Variants in CREB5 observed in about 807,000 individuals in gnomAD.
CREB5 encodes the protein cyclic AMP-responsive element-binding protein 5.
In CREB5, 19 loss-of-function variants were observed where a neutral mutation model predicts 57.1. The ratio of observed to expected loss-of-function variants is 0.33; its 90% CI spans 0.23 to 0.49. The LOEUF (loss-of-function observed/expected upper bound fraction) is 0.49. CREB5 is among the 20% of genes least tolerant of loss of function. The pLI is 0.99. For synonymous variants in CREB5, 238 were observed against 238.3 expected (o/e 1.00, Z 0.01); for missense variants, 579 against 671.6 (o/e 0.86, Z 1.52).
At position 28,666,736 on chromosome 7, in the gene CREB5, G is replaced by A. The variant is rs541965407; in HGVS notation, c.465-52017G>A. Reference sequence around the variant, plus strand: ...CAACTACTCAGGAGGCCCAGGCAGGGGGATCAGGATCACCTGAGCCTAGGA... The same window carrying A: ...CAACTACTCAGGAGGCCCAGGCAGGAGGATCAGGATCACCTGAGCCTAGGA... On this transcript the variant is annotated intron_variant, in intron 5 of 10. Coordinates refer to ENST00000357727, the MANE Select transcript of CREB5 (RefSeq NM_182898.4). Among the ~76,000 whole-genome samples, 18 of 151,886 alleles carry A rather than the reference G, an allele frequency of 1.2e-4. 1 individual carries two copies. The highest frequency in any genetic ancestry group is 3.9e-4 in the Admixed American group (6 of 15,232).
Position 28,560,951 on chromosome 7 carries a change from CGTGTGTGTGCGTGTGTGT to C in CREB5, c.292-9410_292-9393del, listed in dbSNP as rs1562798078. On this transcript the variant is annotated intron_variant, in intron 4 of 10. Transcript: ENST00000357727. ...GTGCGTGTGTGCGTGCGTGTGTGTGCGTGTGTGTGCGTGTGTGTGTGCGTGTGTGCGTGCGTGTGTGTG... is the reference window on the plus strand; with the variant it reads ...GTGCGTGTGTGCGTGCGTGTGTGTGCGTGCGTGTGTGCGTGCGTGTGTGTG... 3.0e-3 allele frequency among the ~76,000 whole-genome samples: 116 copies of C among 38,898 alleles called. 6 individuals carry two copies. The highest frequency in any genetic ancestry group is 0.014 in the Middle Eastern group (1 of 72). 25.5% of individuals were successfully genotyped at this position (38,898 alleles called of 152,430 possible).
At chr7:28,722,221 A>G (rs1366878434) in intron 6 of CREB5, among the ~76,000 whole-genome samples, 1 of 152,346 alleles carries the variant, frequency 6.6e-6, no homozygotes, top group South Asian at 2.1e-4. Context: ...CTACAATTCC[A>G]GAAGCTGTAA....
chr7:28,770,095 T>A (rs1806239913), intron 7 of CREB5, among the ~76,000 whole-genome samples: 1 of 152,212 alleles, frequency 6.6e-6, no homozygotes, highest in Non-Finnish European at 1.5e-5. Flanking sequence ...ACAGCCGCAT[T>A]CCTGTCTCTA....
At chr7:28,422,590 G>A (rs1388646411) in intron 1 of CREB5, among the ~76,000 whole-genome samples, 1 of 152,104 alleles carries the variant, frequency 6.6e-6, no homozygotes, top group Non-Finnish European at 1.5e-5. Flanking sequence ...AAAATGTCTG[G>A]GCTCAATAAT....
At chr7:28,603,280 G>A (rs1024568904) in intron 5 of CREB5, among the ~76,000 whole-genome samples, 1 of 152,006 alleles carries the variant, frequency 6.6e-6, no homozygotes, top group South Asian at 2.1e-4. Context: ...AGTATTCAAC[G>A]GTAGAAAACT....
chr7:28,365,879 C>T (rs1786576766), intron 1 of CREB5, among the ~76,000 whole-genome samples: 1 of 152,094 alleles, frequency 6.6e-6, no homozygotes, highest in South Asian at 2.1e-4. Context: ...ATTTTGTAGA[C>T]CATTACACAT....
intron 4 of CREB5, among the ~76,000 whole-genome samples, chr7:28,564,148 C>G (rs1004066777): frequency 2.0e-5 from 3 of 152,196 alleles, no homozygotes; most frequent in African/African-American, 7.2e-5. Context: ...CTGGGAACTT[C>G]TGAAAGTCTT....
At chr7:28,386,303 T>C (rs530935727) in intron 1 of CREB5, among the ~76,000 whole-genome samples, 61 of 152,362 alleles carry the variant, frequency 4.0e-4, no homozygotes, top group African/African-American at 1.4e-3. Flanking sequence ...ACATTTTCTC[T>C]ATGTAAAATT....
At chr7:28,480,032 C>T (rs112346727) in intron 1 of CREB5, among the ~76,000 whole-genome samples, 2 of 145,260 alleles carry the variant, frequency 1.4e-5, no homozygotes, top group South Asian at 2.2e-4. Context: ...ACCTCCCCCC[C>T]CCCACATTAT....
At chr7:28,628,116 T>TA (rs1798070495) in intron 5 of CREB5, among the ~76,000 whole-genome samples, 1 of 151,984 alleles carries the variant, frequency 6.6e-6, no homozygotes, top group Non-Finnish European at 1.5e-5. Flanking sequence ...TTCCTCTTCT[T>TA]ACTACGGTAT....
intron 1 of CREB5, among the ~76,000 whole-genome samples, chr7:28,457,775 G>T (rs1371681392): frequency 6.6e-6 from 1 of 152,156 alleles, no homozygotes; most frequent in East Asian, 1.9e-4. Flanking sequence ...TTGGAACTGG[G>T]TTTGTCCCTG....
intron 1 of CREB5, among the ~76,000 whole-genome samples, chr7:28,337,823 G>A (rs937549897): frequency 6.6e-6 from 1 of 151,982 alleles, no homozygotes; most frequent in African/African-American, 2.4e-5. Flanking sequence ...GATTTTCACT[G>A]GTGATATGTT....
At chr7:28,455,881 G>A (rs1018241844) in intron 1 of CREB5, among the ~76,000 whole-genome samples, 2 of 152,222 alleles carry the variant, frequency 1.3e-5, no homozygotes, top group Middle Eastern at 3.2e-3. Flanking sequence ...ACTGGTGGAT[G>A]TGGGTAGAGA....
intron 5 of CREB5, among the ~76,000 whole-genome samples, chr7:28,689,979 G>T (rs1276582852): frequency 1.3e-5 from 2 of 149,412 alleles, no homozygotes; most frequent in Non-Finnish European, 3.0e-5. Flanking sequence ...TGAGAGTCAG[G>T]CTTACCCAAG....
At chr7:28,410,355 G>A (rs572164160), upstream of CREB5, 28 of 456,658 alleles carry the variant, frequency 6.1e-5, no homozygotes, top group South Asian at 4.0e-4. Flanking sequence ...CTTTGGCGGC[G>A]CCCAGGCAAT....
intron 4 of CREB5, among the ~76,000 whole-genome samples, chr7:28,533,028 G>A (rs1457587174): frequency 2.0e-5 from 3 of 152,204 alleles, no homozygotes; most frequent in Admixed American, 6.5e-5. Flanking sequence ...AAAGAGCCAG[G>A]CTTGGATCAT....
chr7:28,395,910 A>G (rs76459238), intron 1 of CREB5, among the ~76,000 whole-genome samples: 4,959 of 152,174 alleles, frequency 0.033, 269 homozygotes, highest in African/African-American at 0.11. Flanking sequence ...AATGCATGCC[A>G]TTCCCTTGCC....
chr7:28,692,734 A>G (rs1301550669), intron 5 of CREB5, among the ~76,000 whole-genome samples: 2 of 152,232 alleles, frequency 1.3e-5, no homozygotes, highest in Non-Finnish European at 2.9e-5. Context: ...GCACCACTGC[A>G]CAACAGCTTG....
chr7:28,521,783 A>G (rs764699973), intron 4 of CREB5, among the ~76,000 whole-genome samples: 2 of 152,182 alleles, frequency 1.3e-5, no homozygotes, highest in Non-Finnish European at 2.9e-5. Context: ...TTAAGTGCAC[A>G]GAGAGTTTGT....
Sources: gnomAD v4.1 joint callset for allele counts (sites outside exome capture counted in the v4.1 genomes callset) on GRCh38, gnomAD v4.1.1 for gene constraint, MANE v1.5 for transcripts, NCBI Gene and HGNC (gene_info 2026-07-23, HGNC 2026-07-21) for gene names.